The following UST variants were observed in gnomAD, a reference collection of about 807,000 sequenced individuals.
UST encodes chondroitin sulfate 2-O-sulfotransferase.
In UST, 21 loss-of-function variants were observed where a neutral mutation model predicts 45.6. The observed-to-expected ratio is 0.46, with a 90% CI of 0.33 to 0.66. UST has a LOEUF of 0.66. Among genes scored for constraint, UST ranks in the 30% least tolerant of loss-of-function variants. The probability of loss-of-function intolerance (pLI) is 0.02; values close to 1 mark genes in which losing one functional copy is unlikely to be tolerated. For missense variants in UST, 463 were observed against 512.4 expected (o/e 0.90, Z 0.93); for synonymous variants, 215 against 200.6 (o/e 1.07, Z -0.61).
At chr6:148,977,768 A>G (rs1038672409) in intron 5 of UST, among the ~76,000 whole-genome samples, 43 of 151,242 alleles carry the variant, frequency 2.8e-4, no homozygotes, top group African/African-American at 4.4e-4. Context: ...AAAAAAAAAA[A>G]AAAGAAAAGA....
chr6:148,944,078 A>G (rs1245347053), intron 3 of UST, among the ~76,000 whole-genome samples: 1 of 152,186 alleles, frequency 6.6e-6, no homozygotes. Context: ...ATTTTAATAT[A>G]TATTCAAGAA....
At chr6:148,850,497 C>A (rs1778083429) in intron 1 of UST, among the ~76,000 whole-genome samples, 2 of 152,172 alleles carry the variant, frequency 1.3e-5, no homozygotes, top group Non-Finnish European at 2.9e-5. Flanking sequence ...TGGGTTAGGA[C>A]AACCAATCTA....
intron 5 of UST, among the ~76,000 whole-genome samples, chr6:148,996,297 C>T (rs920701993): frequency 3.3e-5 from 5 of 152,210 alleles, no homozygotes; most frequent in Admixed American, 1.3e-4. Flanking sequence ...TGGCTCACTG[C>T]AGCCTCTGCC....
At chr6:148,887,050 A>G (rs751277992) in intron 2 of UST, 21 bp downstream of exon 2, 21 of 1,602,406 alleles carry the variant, frequency 1.3e-5, no homozygotes, top group Non-Finnish European at 1.3e-5. Context: ...TGCTTGTGAT[A>G]TAAGTCCCCT....
intron 7 of UST, among the ~76,000 whole-genome samples, chr6:149,072,653 C>CAAAAAA (rs61680098): frequency 7.3e-6 from 1 of 136,476 alleles, no homozygotes; most frequent in Non-Finnish European, 1.6e-5. Flanking sequence ...AACTCCATCT[C>CAAAAAA]AAAAAAAAAA....
At chr6:149,055,913 C>T (rs1776555597) in intron 7 of UST, among the ~76,000 whole-genome samples, 1 of 152,172 alleles carries the variant, frequency 6.6e-6, no homozygotes, top group South Asian at 2.1e-4. Flanking sequence ...TCGCAACTAC[C>T]TTCATTTATA....
chr6:149,058,150 G>A (rs1003532113), intron 7 of UST, among the ~76,000 whole-genome samples: 1 of 151,236 alleles, frequency 6.6e-6, no homozygotes, highest in Non-Finnish European at 1.5e-5. Flanking sequence ...AGCTTGATCT[G>A]TACGAAACCC....
chr6:148,850,063 G>C (rs1488575766), intron 1 of UST, among the ~76,000 whole-genome samples: 1 of 152,088 alleles, frequency 6.6e-6, no homozygotes, highest in African/African-American at 2.4e-5. Flanking sequence ...CACCTTGCTG[G>C]TTCCCTGGTT....
At chr6:148,906,051 G>T (rs1779351870) in intron 2 of UST, among the ~76,000 whole-genome samples, 1 of 148,902 alleles carries the variant, frequency 6.7e-6, no homozygotes, top group Non-Finnish European at 1.5e-5. Flanking sequence ...CTTTCATCTG[G>T]CAGTCAGAGG....
intron 5 of UST, among the ~76,000 whole-genome samples, chr6:148,995,134 C>A (rs13217938): frequency 6.6e-6 from 1 of 152,112 alleles, no homozygotes; most frequent in African/African-American, 2.4e-5. Flanking sequence ...AAGCTATTCT[C>A]GTACCTCAGC....
At chr6:148,840,926 C>A (rs764374975) in intron 1 of UST, among the ~76,000 whole-genome samples, 5 of 152,084 alleles carry the variant, frequency 3.3e-5, no homozygotes, top group East Asian at 3.9e-4. Flanking sequence ...GGTGGTCGCA[C>A]AGCTTGGTGT....
chr6:148,918,880 T>C (rs1217684610), intron 2 of UST, among the ~76,000 whole-genome samples: 1 of 152,218 alleles, frequency 6.6e-6, no homozygotes, highest in Non-Finnish European at 1.5e-5. Flanking sequence ...GATAGCTTTG[T>C]TAGCCACCTT....
chr6:148,961,541 A>C (rs1265642035), intron 4 of UST, among the ~76,000 whole-genome samples: 2 of 152,240 alleles, frequency 1.3e-5, no homozygotes, highest in Non-Finnish European at 2.9e-5. Context: ...TGAAGTTGAA[A>C]AGGCTAAGCA....
intron 1 of UST, among the ~76,000 whole-genome samples, chr6:148,863,068 C>G (rs1039001466): frequency 6.6e-6 from 1 of 152,188 alleles, no homozygotes; most frequent in African/African-American, 2.4e-5. Context: ...GGGCAGTTCT[C>G]CTGGATAATA....
At chr6:148,904,991 C>T (rs66563107) in intron 2 of UST, among the ~76,000 whole-genome samples, 16,180 of 152,254 alleles carry the variant, frequency 0.11, 1,045 homozygotes, top group Non-Finnish European at 0.15. Flanking sequence ...GTCCAAGTCC[C>T]GGCTCCTACT....
chr6:148,824,132 G>A (rs976965645), intron 1 of UST, among the ~76,000 whole-genome samples: 25 of 152,214 alleles, frequency 1.6e-4, no homozygotes, highest in African/African-American at 4.6e-4. Flanking sequence ...CTTGTTAGGA[G>A]CATCTGAGTG....
intron 1 of UST, among the ~76,000 whole-genome samples, chr6:148,871,532 T>C (rs1480039475): frequency 1.3e-5 from 2 of 152,216 alleles, no homozygotes; most frequent in Non-Finnish European, 2.9e-5. Context: ...TGGTCTCCTA[T>C]GAGTTTGAGT....
intron 2 of UST, among the ~76,000 whole-genome samples, chr6:148,890,013 C>G (rs995825589): frequency 6.6e-6 from 1 of 152,016 alleles, no homozygotes; most frequent in Non-Finnish European, 1.5e-5. Context: ...TTTATAAACT[C>G]TTTACTAAGT....
intron 4 of UST, 70 bp downstream of exon 4, chr6:148,954,021 T>G: frequency 7.6e-7 from 1 of 1,312,494 alleles, no homozygotes; most frequent in Non-Finnish European, 1.1e-6. Context: ...AAATCTACCT[T>G]TATTTACAAG....
Sources: gnomAD v4.1 joint callset for allele counts (sites outside exome capture counted in the v4.1 genomes callset) on GRCh38, gnomAD v4.1.1 for gene constraint, MANE v1.5 for transcripts, NCBI Gene and HGNC (gene_info 2026-07-23, HGNC 2026-07-21) for gene names.